The following ULK2 variants were observed in gnomAD, a reference collection of about 807,000 sequenced individuals.
ULK2 encodes the protein unc-51 like autophagy activating kinase 2.
Under a neutral mutation model 127.5 loss-of-function variants are expected in ULK2, and 76 were observed. The observed-to-expected ratio is 0.60, with a 90% confidence interval of 0.50 to 0.72. ULK2 has a LOEUF of 0.72. Among genes scored for constraint, ULK2 ranks in the 30% least tolerant of loss-of-function variants. The pLI is 0.00. For synonymous variants in ULK2, 452 were observed against 461.9 expected (o/e 0.98, Z 0.28); for missense variants, 1,144 against 1,295.9 (o/e 0.88, Z 1.80).
intron 3 of ULK2, among the ~76,000 whole-genome samples, chr17:19,862,042 A>T (rs1395885002): frequency 6.6e-6 from 1 of 152,162 alleles, no homozygotes; most frequent in Non-Finnish European, 1.5e-5. Flanking sequence ...TGTTCAGAAG[A>T]TATACATAAT....
At chr17:19,777,253 C>A (rs929560280) in intron 26 of ULK2, among the ~76,000 whole-genome samples, 1 of 152,154 alleles carries the variant, frequency 6.6e-6, no homozygotes, top group African/African-American at 2.4e-5. Flanking sequence ...TACAGGTATG[C>A]GCCATGATGC....
At chr17:19,822,356 ATTT>A (rs1293343126) in intron 12 of ULK2, among the ~76,000 whole-genome samples, 1 of 151,304 alleles carries the variant, frequency 6.6e-6, no homozygotes, top group Admixed American at 6.6e-5. Context: ...GACTTATTTT[ATTT>A]TTTATTTTAT....
At chr17:19,791,068 G>A (rs536532750) in intron 20 of ULK2, among the ~76,000 whole-genome samples, 2 of 152,238 alleles carry the variant, frequency 1.3e-5, no homozygotes, top group South Asian at 2.1e-4. Context: ...AAACTTCAAC[G>A]CTCCACTTTC....
At chr17:19,861,803 T>C (rs1467714611) in intron 3 of ULK2, among the ~76,000 whole-genome samples, 1 of 152,168 alleles carries the variant, frequency 6.6e-6, no homozygotes, top group African/African-American at 2.4e-5. Context: ...TTAAAAGGTT[T>C]CTCCCCTTTT....
intron 4 of ULK2, 31 bp from the exon 5 acceptor site, chr17:19,849,436 A>T: frequency 6.3e-7 from 1 of 1,581,322 alleles, no homozygotes; most frequent in Non-Finnish European, 8.7e-7. Context: ...TAATGAAAAT[A>T]AGGACAGTGA....
chr17:19,791,367 T>C (rs543304066), intron 20 of ULK2, among the ~76,000 whole-genome samples: 4 of 152,038 alleles, frequency 2.6e-5, no homozygotes, highest in South Asian at 4.1e-4. Flanking sequence ...CTAGCCAACA[T>C]GGCAAAACCC....
chr17:19,843,040 T>C, intron 8 of ULK2, 81 bp downstream of exon 8: 4 of 1,179,286 alleles, frequency 3.4e-6, no homozygotes, highest in South Asian at 1.2e-5. Context: ...GCTTTCAAAG[T>C]ATTCTTCATT....
intron 25 of ULK2, 101 bp downstream of exon 25, chr17:19,780,371 G>GA: frequency 8.9e-7 from 1 of 1,124,626 alleles, no homozygotes; most frequent in South Asian, 2.4e-5. Context: ...TGGGACTTGA[G>GA]ACATTATCTT....
rs145702843 is a variant in ULK2, at chr17:19,843,790, C to T, written c.544-568G>A. Among the ~76,000 whole-genome samples, 55 of 151,838 alleles carry T rather than the reference C, an allele frequency of 3.6e-4. No homozygotes were observed. In the East Asian group the frequency reaches 9.9e-3, roughly 27 times the overall value. ...TCTCCTGTCTCAGCCTCCCAAGTAG[C>T]TAGGATTACACGCGCCTGCAACCAT... is the stretch of plus-strand genomic sequence containing the variant. On this transcript the variant is annotated intron_variant, in intron 7 of 26. Coordinates refer to ENST00000395544, the MANE Select transcript of ULK2 (RefSeq NM_014683.4).
intron 10 of ULK2, among the ~76,000 whole-genome samples, chr17:19,828,870 C>G (rs1320706923): frequency 6.6e-6 from 1 of 152,212 alleles, no homozygotes; most frequent in Non-Finnish European, 1.5e-5. Flanking sequence ...AGGCAGATCT[C>G]TTAAGCTCAG....
Position 19,796,260 on chromosome 17 carries a change from G to C in ULK2, c.1832C>G (p.Pro611Arg). 1 of 1,610,142 alleles carries C rather than the reference G, an allele frequency of 6.2e-7. No homozygotes were observed. Among genetic ancestry groups the C allele is most frequent in the East Asian group, 2.2e-5 (1 of 44,772 alleles). ...CAGGTTGGAAGATGCTTGAGTTTTA[G>C]GGATTTTGAAAGGAGCTGTGGTCTA... ...PTKTTAPFKI[P>R]KTQASSNLLA... The change falls in exon 19 of 27, where the codon CCT (proline) becomes CGT (arginine). Residue 611 changes from proline (P) to arginine (R), a missense_variant. Physicochemically the swap from Pro to Arg is moderately radical, Grantham distance 103. Transcript: ENST00000395544.
At position 19,846,748 on chromosome 17, in the gene ULK2, C is replaced by T. The variant is rs545490794; in HGVS notation, c.458G>A (p.Arg153His). 32 of 1,603,562 alleles carry T rather than the reference C, an allele frequency of 2.0e-5. No individual in the cohort carries two copies. Among genetic ancestry groups the T allele is most frequent in the Middle Eastern group, 3.3e-4 (2 of 6,026 alleles). Residue 153 changes from arginine to histidine, a missense_variant, in exon 6 of 27, where the codon CGC becomes CAC. By Grantham distance (29) the Arg-to-His change is conservative. This residue lies in a region of ULK2 where 231 missense variants were observed against 325.4 expected (regional missense o/e 0.71). Transcript: ENST00000395544. Reference protein sequence around the residue: ...NRRKSSVSGIRIKIADFGFAR... With the variant: ...NRRKSSVSGIHIKIADFGFAR... ...ACATGGCCATTTACCTATTTTGATG[C>T]GAATACCACTGACACTTGATTTTCT... is the stretch of plus-strand genomic sequence containing the variant.
At chr17:19,831,586 A>G (rs373493184) in intron 10 of ULK2, among the ~76,000 whole-genome samples, 5 of 152,220 alleles carry the variant, frequency 3.3e-5, no homozygotes, top group African/African-American at 1.2e-4. Context: ...ACACTTTGGG[A>G]GGCCAAGGCA....
At position 19,783,847 on chromosome 17, in the gene ULK2, C is replaced by T. The variant is rs755306286; in HGVS notation, c.2310G>A (p.Gly770=). The T allele has an allele frequency of 1.3e-5, 20 of 1,592,268 alleles. No homozygotes were observed. In the South Asian group the frequency reaches 2.0e-4, roughly 16 times the overall value. The change falls in exon 22 of 27, where the codon GGG becomes GGA. Residue 770 remains glycine, a synonymous_variant. Transcript: ENST00000395544. ...LCAMSGRVCV[G]SPPGPGFGSS... ...AGCCGAAGCCTGGGCCAGGCGGGGA[C>T]CCCACGCACACGCGGCCACTCATGG...
intron 20 of ULK2, among the ~76,000 whole-genome samples, chr17:19,788,145 C>T (rs2087075378): frequency 6.6e-6 from 1 of 152,110 alleles, no homozygotes; most frequent in Non-Finnish European, 1.5e-5. Flanking sequence ...GTCTAGGACA[C>T]AAGGACTGCA....
chr17:19,867,132 G>C (rs1291754298), intron 1 of ULK2, among the ~76,000 whole-genome samples, 196 bp downstream of exon 1: 2 of 152,168 alleles, frequency 1.3e-5, no homozygotes, highest in Non-Finnish European at 2.9e-5. Context: ...TCGGTAGGCG[G>C]AGCGCTGCCA....
chr17:19,835,737 C>T (rs1025865567), intron 10 of ULK2, among the ~76,000 whole-genome samples: 1 of 149,980 alleles, frequency 6.7e-6, no homozygotes, highest in African/African-American at 2.5e-5. Context: ...AGATGCATAC[C>T]GTAATCCCTA....
chr17:19,816,724 G>A (rs774614659), intron 13 of ULK2, 25 bp downstream of exon 13: 2 of 1,530,628 alleles, frequency 1.3e-6, no homozygotes, highest in Admixed American at 4.7e-5. Context: ...GAAATACAAT[G>A]TGTACAAGTA....
At chr17:19,784,546 G>C in intron 21 of ULK2, among the ~76,000 whole-genome samples, 1 of 83,528 alleles carries the variant, frequency 1.2e-5, no homozygotes, top group African/African-American at 4.7e-5. Context: ...TTTTTTTTGA[G>C]TCAGGGTCTT....
Sources: allele counts gnomAD v4.1 joint callset (sites outside exome capture counted in the v4.1 genomes callset), GRCh38; gene constraint gnomAD v4.1.1; regional missense constraint gnomAD v4.1.1; transcripts MANE v1.5; gene names NCBI Gene and HGNC (gene_info 2026-07-23, HGNC 2026-07-21).